Variants in PSMG2 observed in about 807,000 individuals in gnomAD.
PSMG2 encodes CD40 ligand-activated specific transcript 3.
Under a neutral mutation model 31.5 loss-of-function variants are expected in PSMG2, and 21 were observed. The ratio of observed to expected loss-of-function variants is 0.67; its 90% confidence interval spans 0.47 to 0.96. The LOEUF is 0.96. PSMG2 is among the 40% of genes least tolerant of loss of function. The pLI is 0.00. For synonymous variants in PSMG2, 120 were observed against 110.4 expected (o/e 1.09, Z -0.54); for missense variants, 318 against 321.2 (o/e 0.99, Z 0.08).
chr18:12,705,010 T>C (rs2040250035), intron 1 of PSMG2, among the ~76,000 whole-genome samples: 2 of 151,996 alleles, frequency 1.3e-5, no homozygotes, highest in African/African-American at 4.8e-5. Flanking sequence ...AGGCATGTAT[T>C]AGATGTAGTT....
At chr18:12,685,987 C>A in intron 1 of PSMG2, 1 of 253,974 alleles carries the variant, frequency 3.9e-6, no homozygotes, top group South Asian at 5.6e-5. Flanking sequence ...TACTTTAAAT[C>A]ACCTCTAAAT....
chr18:12,714,786 A>C (rs979631817), intron 3 of PSMG2, among the ~76,000 whole-genome samples: 4 of 151,794 alleles, frequency 2.6e-5, no homozygotes, highest in Non-Finnish European at 5.9e-5. Context: ...GCTCACTGCA[A>C]CCTCCGCCTC....
chr18:12,704,640 C>T (rs1328739330), intron 1 of PSMG2, among the ~76,000 whole-genome samples: 1 of 151,954 alleles, frequency 6.6e-6, no homozygotes, highest in Non-Finnish European at 1.5e-5. Context: ...TTTTCGTGGA[C>T]GACTTGGAGA....
chr18:12,692,344 CTTGTT>C (rs2039798821), intron 1 of PSMG2: 1 of 151,852 alleles, frequency 6.6e-6, no homozygotes, highest in Admixed American at 6.6e-5. Context: ...CTGTCATTCT[CTTGTT>C]AAAACACTTC....
At chr18:12,721,643 AT>A (rs1376185180) in intron 5 of PSMG2, among the ~76,000 whole-genome samples, 1 of 151,842 alleles carries the variant, frequency 6.6e-6, no homozygotes, top group Non-Finnish European at 1.5e-5. Flanking sequence ...CTAGCTAAAG[AT>A]TTGTCAGTTT....
At chr18:12,666,600 GGTT>G (rs760290157) in intron 1 of PSMG2, among the ~76,000 whole-genome samples, 8 of 151,762 alleles carry the variant, frequency 5.3e-5, no homozygotes, top group Non-Finnish European at 8.8e-5. Context: ...CACCATGCCT[GGTT>G]GTTGTTGTTT....
At position 12,706,640 on chromosome 18, in the gene PSMG2, G is replaced by T. The variant is rs760043124; in HGVS notation, c.148G>T (p.Asp50Tyr). 1 of 1,613,884 alleles carries T rather than the reference G, an allele frequency of 6.2e-7. No homozygotes were observed. Among genetic ancestry groups the T allele is most frequent in the Non-Finnish European group, 8.5e-7 (1 of 1,179,870 alleles). Reference sequence around the variant, plus strand: ...GTCTAAGATTGGTTACTTCTATACCGATTGTCTTGTGCCAATGGTTGGAAA... The same window carrying T: ...GTCTAAGATTGGTTACTTCTATACCTATTGTCTTGTGCCAATGGTTGGAAA... ...NMSKIGYFYTDCLVPMVGNNP... is the reference protein window; with the variant it reads ...NMSKIGYFYTYCLVPMVGNNP... The change falls in exon 2 of 7, where the codon GAT becomes TAT. Residue 50 changes from aspartate to tyrosine, a missense_variant. Asp to Tyr is a radical substitution (Grantham distance 160, BLOSUM62 -3). Transcript: ENST00000317615.
chr18:12,722,874 A>G (rs2145153112), intron 5 of PSMG2, among the ~76,000 whole-genome samples: 1 of 152,320 alleles, frequency 6.6e-6, no homozygotes, highest in East Asian at 1.9e-4. Flanking sequence ...AGCCTTGAAA[A>G]TGCAAGCACA....
rs565488436 is a variant in PSMG2 at position 12,706,313 on chromosome 18, T to C, written c.58-237T>C. ...ACCAGCCTGGCCAACATGGTGAAAC[T>C]CCGTCTCTACTAAAAATACAAAAAT... On this transcript the variant is annotated intron_variant, in intron 1 of 6. Coordinates refer to ENST00000317615, the MANE Select transcript of PSMG2 (RefSeq NM_020232.5). 4.6e-5 allele frequency among the ~76,000 whole-genome samples: 7 copies of C among 152,062 alleles called. No individual in the cohort carries two copies. The South Asian group carries it at 1.5e-3, about 32-fold the overall frequency.
At chr18:12,672,446 A>G (rs2038972714) in intron 1 of PSMG2, among the ~76,000 whole-genome samples, 2 of 152,292 alleles carry the variant, frequency 1.3e-5, no homozygotes, top group African/African-American at 4.8e-5. Context: ...GCTCAATTTT[A>G]AAACAAAAAT....
At chr18:12,705,545 AAGAGAG>A (rs142910283) in intron 1 of PSMG2, among the ~76,000 whole-genome samples, 11,974 of 137,484 alleles carry the variant, frequency 0.087, 567 homozygotes, top group Non-Finnish European at 0.11. Flanking sequence ...TCATGGGAAA[AAGAGAG>A]AGAGAGAGAG....
chr18:12,675,186 G>A (rs947297131), intron 1 of PSMG2, among the ~76,000 whole-genome samples: 1 of 152,140 alleles, frequency 6.6e-6, no homozygotes, highest in African/African-American at 2.4e-5. Context: ...CATGAGGTCA[G>A]GAGATTGAGA....
chr18:12,704,484 G>T (rs963266415), intron 1 of PSMG2, among the ~76,000 whole-genome samples: 115 of 152,068 alleles, frequency 7.6e-4, no homozygotes, highest in African/African-American at 2.5e-3. Flanking sequence ...AGCTACTCGG[G>T]AAGCTGAGGT....
At chr18:12,685,326 T>G (rs990205493) in intron 1 of PSMG2, 1 of 152,110 alleles carries the variant, frequency 6.6e-6, no homozygotes, top group Non-Finnish European at 1.5e-5. Context: ...AAAGATGTAT[T>G]ATCTGAGCAA....
chr18:12,680,686 A>G (rs1447649768), intron 1 of PSMG2: 1 of 1,612,712 alleles, frequency 6.2e-7, no homozygotes, highest in East Asian at 2.2e-5. Context: ...ACTCTCCCAA[A>G]AAGTGATGGC....
At chr18:12,721,993 C>T (rs920110065) in intron 5 of PSMG2, among the ~76,000 whole-genome samples, 1 of 151,994 alleles carries the variant, frequency 6.6e-6, no homozygotes, top group Non-Finnish European at 1.5e-5. Context: ...CTCTCTTGTC[C>T]CCCTTGCAAA....
intron 1 of PSMG2, among the ~76,000 whole-genome samples, chr18:12,671,790 G>C (rs533191435): frequency 6.6e-6 from 1 of 151,888 alleles, no homozygotes; most frequent in East Asian, 1.9e-4. Context: ...ATGGGTGTGT[G>C]ACACCATGCC....
At chr18:12,691,127 A>G in intron 1 of PSMG2, 2 of 379,530 alleles carry the variant, frequency 5.3e-6, no homozygotes, top group Non-Finnish European at 9.3e-6. Context: ...AACCTGAGAA[A>G]GGTGATTTTT....
At position 12,724,587 on chromosome 18, in the gene PSMG2, C is replaced by CT. The variant is rs1480512114; in HGVS notation, c.672dup (p.Asn225Ter). The CT allele has an allele frequency of 1.9e-6, 3 of 1,609,472 alleles. No individual in the cohort carries two copies. In the African/African-American group the frequency reaches 4.0e-5, roughly 22 times the overall value. ...AGATGCATTAGGTCTTGTTGAGTAT[C>CT]TTAATGAGTGGCTTCAGATACTCAA... On this transcript the variant is annotated frameshift_variant, in exon 6 of 7. Transcript: ENST00000317615. LOFTEE classifies it high-confidence loss of function.
Sources: allele counts gnomAD v4.1 joint callset (sites outside exome capture counted in the v4.1 genomes callset), GRCh38; gene constraint gnomAD v4.1.1; transcripts MANE v1.5; gene names NCBI Gene and HGNC (gene_info 2026-07-23, HGNC 2026-07-21).